The following MROH2B variants were observed in gnomAD, a reference collection of about 807,000 sequenced individuals.
MROH2B encodes maestro heat like repeat family member 2B, also known as maestro heat-like repeat-containing protein family member 2B.
MROH2B carries 177 observed loss-of-function variants against 208.6 expected under a neutral mutation model. That is an observed-to-expected ratio of 0.85 (90% CI 0.75 to 0.96). The LOEUF (loss-of-function observed/expected upper bound fraction) is 0.96, where lower values mean the gene tolerates loss of function less well. Among genes scored for constraint, MROH2B ranks in the 40% least tolerant of loss-of-function variants. The pLI is 0.00. For synonymous variants in MROH2B, 728 were observed against 659.0 expected, an observed-to-expected ratio of 1.10 and a Z score of -1.60; for missense variants, 2,002 against 1,878.7, an observed-to-expected ratio of 1.07 and a Z score of -1.21.
intron 6 of MROH2B, among the ~76,000 whole-genome samples, chr5:41,059,634 T>A (rs1292875581): frequency 6.6e-6 from 1 of 152,220 alleles, no homozygotes. Context: ...TTGTCAAGAT[T>A]TTTCTTGAGT....
At chr5:41,015,635 AC>A (rs1174922089) in intron 28 of MROH2B, among the ~76,000 whole-genome samples, 157 bp from the exon 29 acceptor site, 15 of 152,336 alleles carry the variant, frequency 9.8e-5, no homozygotes, top group Non-Finnish European at 2.1e-4. Flanking sequence ...CATGCTGGGC[AC>A]CATGCAGATA....
At chr5:41,039,286 A>G (rs12153658) in intron 20 of MROH2B, among the ~76,000 whole-genome samples, 162 bp downstream of exon 20, 3 of 152,200 alleles carry the variant, frequency 2.0e-5, no homozygotes, top group Non-Finnish European at 4.4e-5. Flanking sequence ...TAGACTTTTC[A>G]TATAGCTAAT....
At chr5:40,999,829 T>G in intron 39 of MROH2B, 50 bp from the exon 40 acceptor site, 1 of 1,558,050 alleles carries the variant, frequency 6.4e-7, no homozygotes, top group Non-Finnish European at 8.8e-7. Context: ...TGAACCTTTG[T>G]GACATTTGGC....
intron 24 of MROH2B, among the ~76,000 whole-genome samples, chr5:41,028,213 G>T (rs999078344): frequency 6.6e-6 from 1 of 151,962 alleles, no homozygotes. Context: ...GTAGTAAAAG[G>T]TTACCATAAT....
At chr5:41,066,808 A>C (rs1387996635) in intron 3 of MROH2B, among the ~76,000 whole-genome samples, 3 of 152,242 alleles carry the variant, frequency 2.0e-5, no homozygotes, top group East Asian at 1.9e-4. Context: ...GTTTCTAGTT[A>C]TGTTACTAGT....
At chr5:41,009,230 A>G in intron 32 of MROH2B, 50 bp downstream of exon 32, 1 of 1,605,224 alleles carries the variant, frequency 6.2e-7, no homozygotes, top group Non-Finnish European at 8.5e-7. Context: ...GATAGATCAT[A>G]AAGATGGCGC....
chr5:40,998,568 A>C (rs1191726311), intron 41 of MROH2B, 44 bp downstream of exon 41: 1 of 1,486,062 alleles, frequency 6.7e-7, no homozygotes, highest in Non-Finnish European at 9.2e-7. Flanking sequence ...CTCTTTTCCT[A>C]AGAATGTAAC....
At chr5:41,068,307 C>T (rs1173152146) in intron 2 of MROH2B, among the ~76,000 whole-genome samples, 1 of 152,178 alleles carries the variant, frequency 6.6e-6, no homozygotes, top group Admixed American at 6.5e-5. Context: ...CTCTGTGAGT[C>T]CTTTTCTTGC....
chr5:41,045,922 T>C (rs952872595), intron 17 of MROH2B, 69 bp from the exon 18 acceptor site: 143 of 1,123,370 alleles, frequency 1.3e-4, no homozygotes, highest in Non-Finnish European at 1.8e-4. Flanking sequence ...TATTTTTGGT[T>C]ATTTTATCTT....
chr5:41,042,746 A>G (rs1742994648), intron 18 of MROH2B, among the ~76,000 whole-genome samples: 2 of 152,134 alleles, frequency 1.3e-5, no homozygotes, highest in Non-Finnish European at 2.9e-5. Flanking sequence ...CTGGGATTAC[A>G]GGTGTGTGCC....
At chr5:41,030,327 T>A (rs1046026295) in intron 24 of MROH2B, among the ~76,000 whole-genome samples, 1 of 151,878 alleles carries the variant, frequency 6.6e-6, no homozygotes, top group South Asian at 2.1e-4. Flanking sequence ...AATCAATATA[T>A]ACAAATCAGT....
intron 2 of MROH2B, 88 bp downstream of exon 2, chr5:41,069,603 G>T: frequency 9.7e-7 from 1 of 1,025,802 alleles, no homozygotes; most frequent in South Asian, 1.5e-5. Flanking sequence ...AGAGAAAAAT[G>T]AGAAAGTTGA....
rs547730152 is a variant in MROH2B, at chr5:41,024,005, G to A, written c.2442-4987C>T. On this transcript the variant is annotated intron_variant, in intron 24 of 41. Transcript: ENST00000399564. ...TGCTGAGAGATTTTTGTCACCACCA[G>A]GCCTGCCCTAAAAGAGCTCCTGAAG... 3.3e-5 allele frequency among the ~76,000 whole-genome samples: 5 copies of A among 152,226 alleles called. No individual in the cohort carries two copies. In the East Asian group the frequency reaches 9.6e-4, roughly 29 times the overall value.
chr5:41,063,732 G>A (rs1463789935), intron 5 of MROH2B, among the ~76,000 whole-genome samples: 4 of 152,154 alleles, frequency 2.6e-5, no homozygotes, highest in Non-Finnish European at 5.9e-5. Context: ...TTGAAACTGG[G>A]ACTGAGAGAA....
Position 41,015,471 on chromosome 5 carries a change from G to A in MROH2B, c.2892C>T (p.His964=), listed in dbSNP as rs1741910356. 2 of 1,613,334 alleles carry A rather than the reference G, an allele frequency of 1.2e-6. No individual in the cohort carries two copies. Among genetic ancestry groups the A allele is most frequent in the South Asian group, 1.1e-5 (1 of 90,978 alleles). The change falls in exon 29 of 42, where the codon CAC becomes CAT. Residue 964 remains histidine (H), a synonymous_variant. Coordinates refer to ENST00000399564, the MANE Select transcript of MROH2B (RefSeq NM_173489.5). ...TIGLFYIKGI[H]LEVERLQGLQ... ...AACCCTGCAGTCTTTCCACTTCCAAGTGAATGCCTAAAATCAACAAAGTGA... is the reference window on the plus strand; with the variant it reads ...AACCCTGCAGTCTTTCCACTTCCAAATGAATGCCTAAAATCAACAAAGTGA...
chr5:41,000,554 G>C, intron 38 of MROH2B, 124 bp downstream of exon 38: 3 of 1,362,844 alleles, frequency 2.2e-6, no homozygotes, highest in Non-Finnish European at 2.9e-6. Context: ...TGGAGAAGAG[G>C]TTTTCAGGTT....
chr5:41,007,440 G>T lies in MROH2B; in HGVS notation c.3623C>A (p.Thr1208Asn). 1 of 1,576,016 alleles carries T rather than the reference G, an allele frequency of 6.3e-7. No individual in the cohort carries two copies. The highest frequency in any genetic ancestry group is 1.9e-5 in the Admixed American group (1 of 53,548). The change falls in exon 34 of 42, where the codon ACT (threonine) becomes AAT (asparagine). Residue 1208 changes from threonine (T) to asparagine (N), a missense_variant. Coordinates refer to ENST00000399564, the MANE Select transcript of MROH2B (RefSeq NM_173489.5). ...IPDPCRLSTATLKCLQAQAMR... is the reference protein window; with the variant it reads ...IPDPCRLSTANLKCLQAQAMR... Reference sequence around the variant, plus strand: ...GGCTTGGGCTTGCAAACATTTTAAAGTAGCAGTTGAAAGCCTAAAGGAGAC... The same window carrying T: ...GGCTTGGGCTTGCAAACATTTTAAATTAGCAGTTGAAAGCCTAAAGGAGAC...
At chr5:41,030,988 G>T (rs1280717397) in intron 24 of MROH2B, among the ~76,000 whole-genome samples, 1 of 152,128 alleles carries the variant, frequency 6.6e-6, no homozygotes, top group African/African-American at 2.4e-5. Context: ...ACTATGTAAG[G>T]TGAAGTTAGA....
chr5:41,049,520 T>C, intron 13 of MROH2B, 84 bp from the exon 14 acceptor site: 1 of 1,462,170 alleles, frequency 6.8e-7, no homozygotes, highest in Non-Finnish European at 9.1e-7. Context: ...TTTTCTCTGA[T>C]TTAGAAGCTT....
Sources: allele counts gnomAD v4.1 joint callset (sites outside exome capture counted in the v4.1 genomes callset), GRCh38; gene constraint gnomAD v4.1.1; transcripts MANE v1.5; gene names NCBI Gene and HGNC (gene_info 2026-07-23, HGNC 2026-07-21).